Variants in CGREF1 observed in about 807,000 individuals in gnomAD.
CGREF1 encodes cell growth regulator with EF hand domain protein 1.
In CGREF1, 16 loss-of-function variants were observed where a neutral mutation model predicts 17.4. The observed-to-expected ratio is 0.92, with a 90% CI of 0.62 to 1.40. The LOEUF is 1.40. Among genes scored for constraint, CGREF1 ranks in the 40% most tolerant of loss-of-function variants. CGREF1 has a pLI of 0.00. For missense variants in CGREF1, 296 were observed against 376.4 expected (o/e 0.79, Z 1.77); for synonymous variants, 142 against 154.6 (o/e 0.92, Z 0.61).
chr2:27,116,886 T>C (rs975811794), intron 1 of CGREF1, among the ~76,000 whole-genome samples: 4 of 83,976 alleles, frequency 4.8e-5, no homozygotes, highest in Admixed American at 1.2e-4. Context: ...TCTCTCTCTC[T>C]CTCTCTCTCT....
chr2:27,104,322 G>A lies in CGREF1; in HGVS notation c.45C>T (p.Pro15=), dbSNP rs746602671. 12 of 1,587,566 alleles carry A rather than the reference G, an allele frequency of 7.6e-6. No homozygotes were observed. The highest frequency in any genetic ancestry group is 1.0e-5 in the Non-Finnish European group (12 of 1,165,730). ...TMTVLILLLL[P]TGQAAPKDGV... ...CATCCTTTGGGGCAGCCTGACCCGT[G>A]GGGAGCAGCAGCAGGATTAACACTG... Residue 15 remains proline (P), a synonymous_variant, in exon 2 of 6, where the codon CCC becomes CCT. Transcript: ENST00000402394.
chr2:27,116,876 T>TCTCTCTCTCTCTCTCTCTCC (rs1558466783), intron 1 of CGREF1, among the ~76,000 whole-genome samples: 1 of 30,700 alleles, frequency 3.3e-5, no homozygotes, highest in African/African-American at 2.4e-4. Flanking sequence ...GCCTATTCTC[T>TCTCTCTCTCTCTCTCTCTCC]CTCTCTCTCT....
chr2:27,105,826 C>T (rs542857069), intron 1 of CGREF1, among the ~76,000 whole-genome samples: 75 of 152,322 alleles, frequency 4.9e-4, no homozygotes, highest in Admixed American at 1.0e-3. Flanking sequence ...GGATTACAGG[C>T]GTGAGGCACT....
chr2:27,110,769 A>C (rs975918275), intron 1 of CGREF1: 1 of 154,852 alleles, frequency 6.5e-6, no homozygotes, highest in African/African-American at 2.4e-5. Flanking sequence ...ACAGTTCCTA[A>C]AGGCGGCGTG....
chr2:27,102,536 C>G lies in CGREF1; in HGVS notation c.136G>C (p.Glu46Gln), dbSNP rs370263143. 3 of 1,613,934 alleles carry G rather than the reference C, an allele frequency of 1.9e-6. No individual in the cohort carries two copies. In the African/African-American group the frequency reaches 4.0e-5, roughly 22 times the overall value. Residue 46 changes from glutamate to glutamine, a missense_variant, in exon 3 of 6, where the codon GAG becomes CAG. Coordinates refer to ENST00000402394, the MANE Select transcript of CGREF1 (RefSeq NM_006569.6). Reference protein sequence around the residue: ...LLPNPFQPGQEQLGLLQSYLK... With the variant: ...LLPNPFQPGQQQLGLLQSYLK... ...GCCCACCCTACTCACCCGAGCTGCT[C>G]CTGGCCTGGCTGGAAGGGGTTGGGC...
chr2:27,100,142 C>T, downstream of CGREF1: 1 of 525,442 alleles, frequency 1.9e-6, no homozygotes, highest in Non-Finnish European at 3.4e-6. Flanking sequence ...CAGCTCTGCC[C>T]TGGCTGGGGA....
chr2:27,102,257 G>C (rs768522614), intron 4 of CGREF1, 36 bp from the exon 5 acceptor site: 4 of 1,610,632 alleles, frequency 2.5e-6, no homozygotes, highest in Admixed American at 3.3e-5. Flanking sequence ...AAGAGGTGCC[G>C]GGGGAGGTGG....
intron 2 of CGREF1, 130 bp downstream of exon 2, chr2:27,104,157 G>A: frequency 2.2e-6 from 2 of 891,542 alleles, no homozygotes; most frequent in Non-Finnish European, 3.3e-6. Context: ...GAGGCTGATG[G>A]CAGGGAGATA....
rs780062976 is a variant in CGREF1, at chr2:27,106,586, T to A, written c.-11-2209A>T. Among the ~76,000 whole-genome samples the A allele has an allele frequency of 9.2e-4, 140 of 152,334 alleles. 1 individual carries two copies. The highest frequency in any genetic ancestry group is 1.7e-3 in the Non-Finnish European group (116 of 68,028). On this transcript the variant is annotated intron_variant, in intron 1 of 5. Coordinates refer to ENST00000402394, the MANE Select transcript of CGREF1 (RefSeq NM_006569.6). ...AAAAAAAACTCTCCCTGAGACTCTA[T>A]AACAAGCCTGATCTAATGTGGATTT... is the stretch of plus-strand genomic sequence containing the variant.
At chr2:27,099,653 C>A (rs770569236), downstream of CGREF1, 12 of 1,614,014 alleles carry the variant, frequency 7.4e-6, no homozygotes, top group Non-Finnish European at 1.0e-5. Flanking sequence ...TAGCTACTTG[C>A]CCCTCCTCCA....
intron 5 of CGREF1, 104 bp from the exon 6 acceptor site, chr2:27,101,992 C>A: frequency 6.4e-7 from 1 of 1,558,688 alleles, no homozygotes; most frequent in East Asian, 2.3e-5. Flanking sequence ...AAGCTCTGAG[C>A]CCTCCTTTTA....
chr2:27,114,056 G>T (rs1210395659), intron 1 of CGREF1, among the ~76,000 whole-genome samples: 1 of 147,156 alleles, frequency 6.8e-6, no homozygotes. Flanking sequence ...GTGCAGTGGC[G>T]TGATCTCGGC....
chr2:27,113,585 T>TG (rs1279681819), intron 1 of CGREF1, among the ~76,000 whole-genome samples: 1 of 151,968 alleles, frequency 6.6e-6, no homozygotes, highest in Non-Finnish European at 1.5e-5. Flanking sequence ...GGCCCAAAGT[T>TG]GGGGGGTATG....
At chr2:27,104,588 A>T (rs1671044895) in intron 1 of CGREF1, 1 of 1,550,518 alleles carries the variant, frequency 6.4e-7, no homozygotes, top group Admixed American at 2.0e-5. Flanking sequence ...TTGTATATAA[A>T]GCACATAAAG....
At chr2:27,115,876 C>T (rs1671546379) in intron 1 of CGREF1, among the ~76,000 whole-genome samples, 1 of 152,152 alleles carries the variant, frequency 6.6e-6, no homozygotes, top group African/African-American at 2.4e-5. Flanking sequence ...ATGTCCTGGG[C>T]CCTCCTGACA....
At chr2:27,117,803 G>A (rs908792493) in intron 1 of CGREF1, among the ~76,000 whole-genome samples, 4 of 149,232 alleles carry the variant, frequency 2.7e-5, no homozygotes, top group African/African-American at 9.9e-5. Flanking sequence ...CCGCCTCCCG[G>A]GTTCACGCCA....
downstream of CGREF1, chr2:27,099,629 A>G: frequency 1.2e-6 from 2 of 1,614,114 alleles, no homozygotes; most frequent in East Asian, 4.5e-5. Flanking sequence ...CCTGCCCCAA[A>G]CACCTGGCTG....
intron 1 of CGREF1, 26 bp from the exon 2 acceptor site, chr2:27,104,403 T>C (rs1282006082): frequency 1.9e-6 from 3 of 1,612,056 alleles, no homozygotes; most frequent in Non-Finnish European, 2.5e-6. Context: ...GAATCAGGGG[T>C]CGGGGGAAAG....
intron 1 of CGREF1, among the ~76,000 whole-genome samples, chr2:27,107,796 T>C (rs1406302625): frequency 6.7e-6 from 1 of 148,396 alleles, no homozygotes; most frequent in African/African-American, 2.5e-5. Context: ...TAGCCAGGCG[T>C]GGTGGTGGGC....
Sources: gnomAD v4.1 joint callset for allele counts (sites outside exome capture counted in the v4.1 genomes callset) on GRCh38, gnomAD v4.1.1 for gene constraint, MANE v1.5 for transcripts, NCBI Gene and HGNC (gene_info 2026-07-23, HGNC 2026-07-21) for gene names.